The following SVEP1 variants were observed in gnomAD, a reference collection of about 807,000 sequenced individuals.
SVEP1 encodes sushi, von Willebrand factor type A, EGF and pentraxin domain-containing protein 1.
Under a neutral mutation model 367.3 loss-of-function variants are expected in SVEP1, and 164 were observed. That is an observed-to-expected ratio of 0.45 (90% CI 0.39 to 0.51). The LOEUF (loss-of-function observed/expected upper bound fraction) is 0.51, where lower values mean the gene tolerates loss of function less well. Among genes scored for constraint, SVEP1 ranks in the 20% least tolerant of loss-of-function variants. The pLI is 0.00. For missense variants in SVEP1, 4,117 were observed against 4,425.3 expected (o/e 0.93, Z 1.98); for synonymous variants, 1,666 against 1,611.6 (o/e 1.03, Z -0.81).
Position 110,365,736 on chromosome 9 carries a change from A to C in SVEP1, c.*803T>G, listed in dbSNP as rs1426307950. 6.6e-6 allele frequency: 1 copy of C among 152,098 alleles called. No individual in the cohort carries two copies. Among genetic ancestry groups the C allele is most frequent in the Non-Finnish European group, 1.5e-5 (1 of 68,046 alleles). 9.4% of individuals were successfully genotyped at this position (152,098 alleles called of 1,614,324 possible). A position where few individuals can be genotyped will look rare whatever the true frequency, so the allele number is the denominator to read the frequency against. ...TTTCCCTGTCTTCCCCTTCCTCCCA[A>C]AATAGTGAGTTGTGGGATTACCAGT... On this transcript the variant is annotated 3_prime_UTR_variant, in exon 48 of 48. Coordinates refer to ENST00000374469, the MANE Select transcript of SVEP1 (RefSeq NM_153366.4).
At chr9:110,501,013 C>T (rs888764586) in intron 6 of SVEP1, among the ~76,000 whole-genome samples, 1 of 150,302 alleles carries the variant, frequency 6.7e-6, no homozygotes, top group African/African-American at 2.4e-5. Flanking sequence ...ATATGTAATG[C>T]ATATATATGT....
At position 110,406,427 on chromosome 9, in the gene SVEP1, T is replaced by C; in HGVS notation, c.9173A>G (p.His3058Arg). The C allele has an allele frequency of 6.2e-7, 1 of 1,614,054 alleles. No individual in the cohort carries two copies. Among genetic ancestry groups the C allele is most frequent in the Non-Finnish European group, 8.5e-7 (1 of 1,179,904 alleles). The change falls in exon 38 of 48, where the codon CAC becomes CGC. Residue 3058 changes from histidine to arginine, a missense_variant. This residue lies in a region of SVEP1 where 1,765 missense variants were observed against 1,781.1 expected (regional missense o/e 0.99). Transcript: ENST00000374469. The part of the protein sequence containing the change: ...ADGQWSSGFP[H>R]CEHTSCGSLP... ...AGAACCACAAGAAGTGTGTTCACAG[T>C]GGGGGAACCCAGAGCTCCACTGGCC... is the stretch of plus-strand genomic sequence containing the variant.
Position 110,478,257 on chromosome 9 carries a change from G to A in SVEP1, c.2487+1378C>T, listed in dbSNP as rs545815318. Among the ~76,000 whole-genome samples, 15 of 152,230 alleles carry A rather than the reference G, an allele frequency of 9.9e-5. No homozygotes were observed. In the East Asian group the frequency reaches 2.7e-3, roughly 27 times the overall value. On this transcript the variant is annotated intron_variant, in intron 13 of 47. Transcript: ENST00000374469. Reference sequence around the variant, plus strand: ...ATCTTCTGCTTTATTTTATTCCATAGCATACGCCATCTGACATGCTACATA... The same window carrying A: ...ATCTTCTGCTTTATTTTATTCCATAACATACGCCATCTGACATGCTACATA...
chr9:110,370,032 C>T lies in SVEP1; in HGVS notation c.10601-16G>A, dbSNP rs41305501. ...TGGCAAACAGCTGGAATAAAAAACCCATGCATTTATTTAATTAATACTTAG... is the reference window on the plus strand; with the variant it reads ...TGGCAAACAGCTGGAATAAAAAACCTATGCATTTATTTAATTAATACTTAG... On this transcript the variant is annotated splice_polypyrimidine_tract_variant and intron_variant, in intron 46 of 47. Transcript: ENST00000374469. The T allele has an allele frequency of 1.9e-3, 3,130 of 1,605,762 alleles. 8 individuals carry two copies. The highest frequency in any genetic ancestry group is 7.1e-3 in the Middle Eastern group (43 of 6,052).
At chr9:110,470,193 G>C (rs1199911653) in intron 16 of SVEP1, among the ~76,000 whole-genome samples, 2 of 152,132 alleles carry the variant, frequency 1.3e-5, no homozygotes, top group Admixed American at 6.5e-5. Flanking sequence ...AAGGGGTTTG[G>C]AGTGGGGAGG....
At chr9:110,497,928 A>G (rs1829475946) in intron 7 of SVEP1, among the ~76,000 whole-genome samples, 1 of 151,964 alleles carries the variant, frequency 6.6e-6, no homozygotes, top group Non-Finnish European at 1.5e-5. Flanking sequence ...TACTTGGACA[A>G]CTCTCTCCCA....
At chr9:110,389,168 C>T (rs1483200161) in intron 41 of SVEP1, among the ~76,000 whole-genome samples, 1 of 152,066 alleles carries the variant, frequency 6.6e-6, no homozygotes, top group Non-Finnish European at 1.5e-5. Context: ...AAAGTATTGG[C>T]TAGTACTGTC....
intron 27 of SVEP1, among the ~76,000 whole-genome samples, chr9:110,437,758 C>T (rs1828452659): frequency 6.6e-6 from 1 of 152,004 alleles, no homozygotes; most frequent in Non-Finnish European, 1.5e-5. Context: ...GTAAACTGTA[C>T]CCAATGTGTA....
intron 3 of SVEP1, among the ~76,000 whole-genome samples, chr9:110,528,099 T>C (rs1240854785): frequency 1.1e-4 from 14 of 127,728 alleles, no homozygotes; most frequent in South Asian, 4.9e-4. Context: ...CACACACACA[T>C]ACACACATAT....
chr9:110,446,642 A>G (rs1828604650), intron 25 of SVEP1, among the ~76,000 whole-genome samples: 6 of 152,254 alleles, frequency 3.9e-5, no homozygotes, highest in Admixed American at 3.9e-4. Context: ...ATAAATAAGT[A>G]GAACATGAAG....
intron 36 of SVEP1, among the ~76,000 whole-genome samples, chr9:110,423,518 G>A (rs1828207617): frequency 6.6e-6 from 1 of 152,156 alleles, no homozygotes; most frequent in Admixed American, 6.5e-5. Flanking sequence ...TGGGAGTGCT[G>A]ACAGAAGTTA....
At chr9:110,524,516 A>T (rs1025020274) in intron 3 of SVEP1, among the ~76,000 whole-genome samples, 1 of 152,148 alleles carries the variant, frequency 6.6e-6, no homozygotes, top group Non-Finnish European at 1.5e-5. Flanking sequence ...TTGGAAATCA[A>T]TCAATGTAAT....
chr9:110,544,587 A>T (rs945985876), intron 3 of SVEP1, among the ~76,000 whole-genome samples: 1 of 151,724 alleles, frequency 6.6e-6, no homozygotes, highest in Non-Finnish European at 1.5e-5. Flanking sequence ...AAACCTAGAG[A>T]CGGAAAAATT....
chr9:110,398,872 T>C (rs1349356809), intron 40 of SVEP1, among the ~76,000 whole-genome samples: 2 of 152,156 alleles, frequency 1.3e-5, no homozygotes, highest in African/African-American at 2.4e-5. Context: ...TGTGGAGAAA[T>C]AGGAACACTT....
Position 110,579,400 on chromosome 9 carries a change from C to CG in SVEP1, c.143dup (p.Pro49AlafsTer42). 6.4e-7 allele frequency: 1 copy of CG among 1,573,106 alleles called. No homozygotes were observed. The highest frequency in any genetic ancestry group is 8.6e-7 in the Non-Finnish European group (1 of 1,160,328). On this transcript the variant is annotated frameshift_variant, in exon 1 of 48. Transcript: ENST00000374469. LOFTEE classifies it high-confidence loss of function. The surrounding 1 kb of genome is among the most constrained non-coding windows in gnomAD (Gnocchi z 5.3). ...CCGCTTCGTCGCCAGGAGCGGGCGG[C>CG]GCGGGGATACTCCCGGGGGCCCCGG... is the stretch of plus-strand genomic sequence containing the variant.
At chr9:110,400,710 G>T in intron 40 of SVEP1, 144 bp downstream of exon 40, 3 of 932,378 alleles carry the variant, frequency 3.2e-6, no homozygotes, top group Non-Finnish European at 3.0e-6. Flanking sequence ...ATATTTCTTG[G>T]AAAATGTTAG....
At chr9:110,541,188 A>C (rs1830140779) in intron 3 of SVEP1, among the ~76,000 whole-genome samples, 1 of 152,156 alleles carries the variant, frequency 6.6e-6, no homozygotes, top group Non-Finnish European at 1.5e-5. Flanking sequence ...CTTGTCTATG[A>C]AACTAACAAA....
intron 40 of SVEP1, among the ~76,000 whole-genome samples, chr9:110,395,994 C>T (rs1827751978): frequency 6.6e-6 from 1 of 151,884 alleles, no homozygotes; most frequent in African/African-American, 2.4e-5. Flanking sequence ...AGCTCTGCAC[C>T]AAGCAGACCT....
At chr9:110,393,433 T>A (rs1312235647) in intron 40 of SVEP1, among the ~76,000 whole-genome samples, 3 of 152,120 alleles carry the variant, frequency 2.0e-5, no homozygotes, top group Admixed American at 2.0e-4. Flanking sequence ...AGTCTACAGC[T>A]CCCAGCGTGA....
Sources: allele counts gnomAD v4.1 joint callset (sites outside exome capture counted in the v4.1 genomes callset), GRCh38; gene constraint gnomAD v4.1.1; regional missense constraint gnomAD v4.1.1; non-coding constraint Gnocchi (gnomAD v3.1); transcripts MANE v1.5; gene names NCBI Gene and HGNC (gene_info 2026-07-23, HGNC 2026-07-21).